The following ACTMAP variants were observed in gnomAD, a reference collection of about 807,000 sequenced individuals.
The protein encoded by ACTMAP is actin maturation protease, also known as UPF0692 protein C19orf54.
At chr19:40,741,213 G>A in the ACTMAP span, 1 of 380,162 alleles carries the variant, frequency 2.6e-6, no homozygotes. Context: ...AGGCCGAGGC[G>A]GGTGGATTAC....
chr19:40,741,124 C>T, the ACTMAP span: 2 of 400,182 alleles, frequency 5.0e-6, no homozygotes, highest in East Asian at 7.1e-5. Flanking sequence ...CACGCATCCT[C>T]TTTACCCTGA....
At chr19:40,746,500 C>T in the ACTMAP span, among the ~76,000 whole-genome samples, 12 of 151,988 alleles carry the variant, frequency 7.9e-5, no homozygotes, top group African/African-American at 1.4e-4. Flanking sequence ...CTCAGCCTCC[C>T]GAATAGCTGG....
the ACTMAP span, chr19:40,742,498 C>T: frequency 6.6e-7 from 1 of 1,513,198 alleles, no homozygotes; most frequent in African/African-American, 1.4e-5. Context: ...CGTACCCCAC[C>T]CACGGGCACC....
At chr19:40,744,826 G>T in the ACTMAP span, 1 of 1,305,032 alleles carries the variant, frequency 7.7e-7, no homozygotes, top group Non-Finnish European at 1.0e-6. Context: ...TCCCCTTCAG[G>T]GGAGAGCCCA....
At chr19:40,744,506 C>T in the ACTMAP span, 61 of 1,603,368 alleles carry the variant, frequency 3.8e-5, no homozygotes, top group Non-Finnish European at 4.9e-5. Flanking sequence ...CACCCAGCCT[C>T]TCTGGTCCCA....
chr19:40,749,404 AC>A, the ACTMAP span: 123,777 of 989,820 alleles, frequency 0.13, 1,193 homozygotes, highest in South Asian at 0.19. Flanking sequence ...GGACACGGGA[AC>A]CCCCCCCCCA....
At chr19:40,745,028 A>T in the ACTMAP span, 1 of 1,375,448 alleles carries the variant, frequency 7.3e-7, no homozygotes, top group Non-Finnish European at 1.0e-6. Flanking sequence ...TCCTCCCAGC[A>T]GGGACAATCC....
the ACTMAP span, among the ~76,000 whole-genome samples, chr19:40,746,909 C>T: frequency 6.6e-6 from 1 of 152,104 alleles, no homozygotes; most frequent in East Asian, 1.9e-4. Flanking sequence ...TGGGTTCAAG[C>T]AATTCTCCTG....
chr19:40,746,791 G>A, the ACTMAP span, among the ~76,000 whole-genome samples: 30 of 151,870 alleles, frequency 2.0e-4, no homozygotes, highest in African/African-American at 6.5e-4. Flanking sequence ...GATTACAGGC[G>A]TGAGCCACCA....
At chr19:40,749,999 G>A in the ACTMAP span, 6 of 471,084 alleles carry the variant, frequency 1.3e-5, no homozygotes, top group African/African-American at 1.2e-4. Context: ...GCTGACTCAA[G>A]TCATAAGGCA....
chr19:40,749,642 TGGG>T, the ACTMAP span: 3 of 1,547,894 alleles, frequency 1.9e-6, no homozygotes, highest in African/African-American at 4.1e-5. Flanking sequence ...GTGGGAGCGG[TGGG>T]GGAACAGGGG....
At chr19:40,747,553 A>G in the ACTMAP span, among the ~76,000 whole-genome samples, 1 of 151,656 alleles carries the variant, frequency 6.6e-6, no homozygotes, top group African/African-American at 2.4e-5. Context: ...TAAATAAATA[A>G]ATAAATAAGC....
the ACTMAP span, among the ~76,000 whole-genome samples, chr19:40,747,170 G>T: frequency 1.3e-5 from 2 of 152,068 alleles, no homozygotes; most frequent in African/African-American, 4.8e-5. Flanking sequence ...TGTTGGGGGG[G>T]TGCGGACTCA....
chr19:40,744,245 C>T, the ACTMAP span: 26 of 1,496,558 alleles, frequency 1.7e-5, no homozygotes, highest in South Asian at 3.9e-5. Flanking sequence ...TGCCCAGCAC[C>T]GTGCTGAGGG....
chr19:40,742,572 C>T, the ACTMAP span: 119 of 1,605,660 alleles, frequency 7.4e-5, no homozygotes, highest in Admixed American at 1.5e-4. Context: ...GTTGCTCTCC[C>T]GGACCTGGTC....
chr19:40,748,765 C>G, the ACTMAP span, among the ~76,000 whole-genome samples: 3 of 152,182 alleles, frequency 2.0e-5, no homozygotes, highest in African/African-American at 7.2e-5. Flanking sequence ...CCTCATTTCA[C>G]TCCAGGCCCC....
At chr19:40,748,986 T>TC in the ACTMAP span, among the ~76,000 whole-genome samples, 1 of 131,130 alleles carries the variant, frequency 7.6e-6, no homozygotes, top group East Asian at 2.0e-4. Context: ...CATTTGCTCT[T>TC]TTTTTTTTTT....
At chr19:40,745,551 T>C in the ACTMAP span, among the ~76,000 whole-genome samples, 4 of 152,222 alleles carry the variant, frequency 2.6e-5, no homozygotes, top group Non-Finnish European at 5.9e-5. Flanking sequence ...CAGGATGGAA[T>C]GCAATGATGC....
the ACTMAP span, chr19:40,744,035 C>T: frequency 6.2e-7 from 1 of 1,614,002 alleles, no homozygotes; most frequent in Non-Finnish European, 8.5e-7. Context: ...CTTTGCCACC[C>T]CTGCCCTCCT....
Sources: gnomAD v4.1 joint callset for allele counts (sites outside exome capture counted in the v4.1 genomes callset) on GRCh38, gnomAD v4.1.1 for gene constraint, MANE v1.5 for transcripts, NCBI Gene and HGNC (gene_info 2026-07-23, HGNC 2026-07-21) for gene names.